The following ACLY variants were observed in gnomAD, a reference collection of about 807,000 sequenced individuals.
ACLY encodes ATP citrate lyase.
Under a neutral mutation model 133.0 loss-of-function variants are expected in ACLY, and 41 were observed. The observed-to-expected ratio is 0.31, with a 90% CI of 0.24 to 0.40. ACLY has a LOEUF of 0.40. Among genes scored for constraint, ACLY ranks in the 10% least tolerant of loss-of-function variants. The pLI, the probability that ACLY is intolerant of heterozygous loss-of-function variation, is 1.00. For missense variants in ACLY, 1,046 were observed against 1,453.8 expected (o/e 0.72, Z 4.56); for synonymous variants, 495 against 549.3 (o/e 0.90, Z 1.38).
rs782191641 is a variant in ACLY at position 41,893,074 on chromosome 17, G to A, written c.1560C>T (p.Ser520=). 5.6e-6 allele frequency: 9 copies of A among 1,613,998 alleles called. No homozygotes were observed. The South Asian group carries it at 8.8e-5, about 16-fold the overall frequency. The stretch of plus-strand genomic sequence containing the variant: ...TGGCAGCCACTGAGGGCTCGTCTCG[G>A]GAGCAGACATAGTCAAAGTCCAGCA... ...QGMLDFDYVC[S]RDEPSVAAMV... Residue 520 remains serine, a synonymous_variant, in exon 15 of 29, where the codon TCC becomes TCT. Coordinates refer to ENST00000352035, the MANE Select transcript of ACLY (RefSeq NM_001096.3).
intron 3 of ACLY, 94 bp downstream of exon 3, chr17:41,912,326 G>A: frequency 6.7e-7 from 1 of 1,497,878 alleles, no homozygotes; most frequent in Non-Finnish European, 9.1e-7. Context: ...CAATGAGACT[G>A]GCTGTGGGGG....
At chr17:41,907,310 T>C in intron 7 of ACLY, 132 bp downstream of exon 7, 2 of 204,824 alleles carry the variant, frequency 9.8e-6, no homozygotes, top group South Asian at 8.1e-5. Context: ...TTTAAGAAAA[T>C]TAAATGCTTC....
chr17:41,896,103 C>G (rs1333470290), intron 14 of ACLY, among the ~76,000 whole-genome samples: 1 of 152,136 alleles, frequency 6.6e-6, no homozygotes, highest in East Asian at 1.9e-4. Flanking sequence ...AAAAGATAAA[C>G]TGGTCCCTGG....
chr17:41,892,861 G>A (rs2049253457), intron 15 of ACLY, among the ~76,000 whole-genome samples, 172 bp downstream of exon 15: 1 of 152,074 alleles, frequency 6.6e-6, no homozygotes, highest in African/African-American at 2.4e-5. Flanking sequence ...ATTATCTGTA[G>A]AGATGGGGGT....
chr17:41,888,505 C>A lies in ACLY; in HGVS notation c.1771-802G>T, dbSNP rs143307937. Among the ~76,000 whole-genome samples the A allele has an allele frequency of 4.6e-4, 70 of 152,252 alleles. 1 individual carries two copies. The Middle Eastern group carries it at 0.014, about 30-fold the overall frequency. On this transcript the variant is annotated intron_variant, in intron 16 of 28. Transcript: ENST00000352035. ...GCTGCTTCTACACTCAGCCCAGAGG[C>A]GGGGTGGGAGGGGCATGGGACAGAT...
At chr17:41,881,250 T>A (rs1403078069) in intron 20 of ACLY, among the ~76,000 whole-genome samples, 1 of 151,592 alleles carries the variant, frequency 6.6e-6, no homozygotes, top group African/African-American at 2.4e-5. Flanking sequence ...GCCAACATGG[T>A]GAAACCCTGT....
At chr17:41,907,966 C>T (rs115187307) in intron 6 of ACLY, among the ~76,000 whole-genome samples, 84 of 152,328 alleles carry the variant, frequency 5.5e-4, no homozygotes, top group African/African-American at 1.9e-3. Flanking sequence ...CCGGTATGCA[C>T]ATCTATGTCT....
intron 6 of ACLY, 95 bp from the exon 7 acceptor site, chr17:41,907,667 C>T (rs1246543755): frequency 1.4e-6 from 2 of 1,388,560 alleles, no homozygotes; most frequent in Non-Finnish European, 2.0e-6. Flanking sequence ...CCCATGGTGG[C>T]CCATTCAGGC....
intron 1 of ACLY, among the ~76,000 whole-genome samples, chr17:41,916,970 C>T (rs1207954671): frequency 1.3e-5 from 2 of 151,588 alleles, no homozygotes; most frequent in Non-Finnish European, 2.9e-5. Flanking sequence ...TGGTGAAACC[C>T]TGTTTCTACT....
At chr17:41,918,403 C>T (rs2050113055) in intron 1 of ACLY, among the ~76,000 whole-genome samples, 1 of 152,236 alleles carries the variant, frequency 6.6e-6, no homozygotes, top group Non-Finnish European at 1.5e-5. Flanking sequence ...TTTGTACCCA[C>T]GGAACCAAGA....
intron 18 of ACLY, 49 bp from the exon 19 acceptor site, chr17:41,884,323 G>A: frequency 7.8e-7 from 1 of 1,278,276 alleles, no homozygotes; most frequent in Non-Finnish European, 1.1e-6. Flanking sequence ...GGAGGCCTGG[G>A]GAAGTGTGTA....
rs782082366 is a variant in ACLY at position 41,887,635 on chromosome 17, C to T, written c.1839G>A (p.Ala613=). The change falls in exon 17 of 29, where the codon GCG becomes GCA. Residue 613 remains alanine (A), a synonymous_variant. Coordinates refer to ENST00000352035, the MANE Select transcript of ACLY (RefSeq NM_001096.3). ...CGATGATGGTCACTCCCTTCTGGTCCGCCTTCTTGATCAGCTTTCTCGTGA... is the reference window on the plus strand; with the variant it reads ...CGATGATGGTCACTCCCTTCTGGTCTGCCTTCTTGATCAGCTTTCTCGTGA... ...EALTRKLIKK[A]DQKGVTIIGP... The T allele has an allele frequency of 2.6e-5, 42 of 1,613,680 alleles. No homozygotes were observed. The highest frequency in any genetic ancestry group is 1.6e-4 in the South Asian group (15 of 91,074).
chr17:41,917,347 G>A (rs1555634714), intron 1 of ACLY, among the ~76,000 whole-genome samples: 1 of 152,168 alleles, frequency 6.6e-6, no homozygotes, highest in South Asian at 2.1e-4. Context: ...CCATTTGGGG[G>A]AAATCATGCC....
At chr17:41,912,652 C>T (rs1598042555) in intron 2 of ACLY, 110 bp from the exon 3 acceptor site, 2 of 1,350,720 alleles carry the variant, frequency 1.5e-6, no homozygotes, top group African/African-American at 2.9e-5. Context: ...CACTCTGCTC[C>T]AAAGCCAGCC....
At chr17:41,886,397 C>T in intron 17 of ACLY, 89 bp from the exon 18 acceptor site, 1 of 1,326,480 alleles carries the variant, frequency 7.5e-7, no homozygotes, top group Non-Finnish European at 1.0e-6. Context: ...CTGCCCAGCC[C>T]CTTCTGGCCA....
At chr17:41,915,996 C>G (rs1363227636) in intron 1 of ACLY, among the ~76,000 whole-genome samples, 2 of 152,232 alleles carry the variant, frequency 1.3e-5, no homozygotes, top group East Asian at 3.9e-4. Flanking sequence ...CTGGCACCTC[C>G]AAAACAGACA....
chr17:41,925,776 A>G (rs782177255), intron 1 of ACLY, among the ~76,000 whole-genome samples: 2 of 151,962 alleles, frequency 1.3e-5, no homozygotes, highest in Non-Finnish European at 2.9e-5. Flanking sequence ...CTGTGAGTGG[A>G]GAGAGGCCTT....
intron 1 of ACLY, among the ~76,000 whole-genome samples, chr17:41,928,791 TG>T (rs1555636243): frequency 6.7e-6 from 1 of 148,986 alleles, no homozygotes; most frequent in Non-Finnish European, 1.5e-5. Context: ...AGGCGGAGAT[TG>T]CAGTGAGCCG....
At chr17:41,877,728 C>T (rs1455350919) in intron 22 of ACLY, among the ~76,000 whole-genome samples, 1 of 152,104 alleles carries the variant, frequency 6.6e-6, no homozygotes, top group Non-Finnish European at 1.5e-5. Context: ...CAGCTTCCAG[C>T]AAATATAAAG....
Sources: gnomAD v4.1 joint callset for allele counts (sites outside exome capture counted in the v4.1 genomes callset) on GRCh38, gnomAD v4.1.1 for gene constraint, MANE v1.5 for transcripts, NCBI Gene and HGNC (gene_info 2026-07-23, HGNC 2026-07-21) for gene names.